AFG3L2: variants seen among roughly 807,000 people sequenced by gnomAD.
The protein encoded by AFG3L2 is AFG3 like matrix AAA peptidase subunit 2, also known as mitochondrial inner membrane m-AAA protease component AFG3L2.
Under a neutral mutation model 94.5 loss-of-function variants are expected in AFG3L2, and 54 were observed. The observed-to-expected ratio is 0.57, with a 90% confidence interval of 0.46 to 0.72. The LOEUF (loss-of-function observed/expected upper bound fraction) is 0.72, where lower values mean the gene tolerates loss of function less well. AFG3L2 is among the 30% of genes least tolerant of loss of function. The pLI, the probability that AFG3L2 is intolerant of heterozygous loss-of-function variation, is 0.00. For synonymous variants in AFG3L2, 377 were observed against 365.5 expected (o/e 1.03, Z -0.36); for missense variants, 754 against 994.9 (o/e 0.76, Z 3.26).
chr18:12,335,337 G>A (rs191047080), intron 16 of AFG3L2, among the ~76,000 whole-genome samples: 920 of 152,256 alleles, frequency 6.0e-3, no homozygotes, highest in Non-Finnish European at 8.6e-3. Flanking sequence ...AGATGCATGC[G>A]TAACTGACAT....
chr18:12,350,550 G>A (rs528461857), intron 12 of AFG3L2, among the ~76,000 whole-genome samples: 51 of 152,388 alleles, frequency 3.3e-4, no homozygotes, highest in African/African-American at 1.2e-3. Context: ...AGTAAGGTCA[G>A]ATGTGAATTA....
rs1455647243 is a variant in AFG3L2 at position 12,329,153 on chromosome 18, G to A, written c.*412C>T. ...TCCAATTTAATTTCACAGCCCATCT[G>A]CACAGGGGAACTGAGGAGAAACAGG... On this transcript the variant is annotated 3_prime_UTR_variant, in exon 17 of 17. Coordinates refer to ENST00000269143, the MANE Select transcript of AFG3L2 (RefSeq NM_006796.3). 1.4e-6 allele frequency: 1 copy of A among 702,872 alleles called. No homozygotes were observed. The highest frequency in any genetic ancestry group is 2.6e-6 in the Non-Finnish European group (1 of 385,018). 43.5% of individuals were successfully genotyped at this position (702,872 alleles called of 1,614,324 possible).
rs1387016377 is a variant in AFG3L2 at position 12,355,798 on chromosome 18, A to G, written c.1164+896T>C. On this transcript the variant is annotated intron_variant, in intron 9 of 16. Coordinates refer to ENST00000269143, the MANE Select transcript of AFG3L2 (RefSeq NM_006796.3). ...ATTCTCCTGCCTCAGCCTCCCAAGT[A>G]GCTGGGACTACAGGCGCCCGCCACC... Among the ~76,000 whole-genome samples, 3 of 151,692 alleles carry G rather than the reference A, an allele frequency of 2.0e-5. No individual in the cohort carries two copies. The East Asian group carries it at 5.8e-4, about 29-fold the overall frequency.
chr18:12,339,848 CAAAAAAAA>C (rs55881327), intron 15 of AFG3L2, among the ~76,000 whole-genome samples: 2 of 79,226 alleles, frequency 2.5e-5, no homozygotes, highest in Admixed American at 1.4e-4. Flanking sequence ...GGCTCAGTCT[CAAAAAAAA>C]AAAAAAAAAA....
chr18:12,366,876 G>A, intron 5 of AFG3L2, 89 bp downstream of exon 5: 1 of 1,544,698 alleles, frequency 6.5e-7, no homozygotes, highest in Non-Finnish European at 8.9e-7. Context: ...GGACGAGCCA[G>A]GTTAACCTGC....
intron 5 of AFG3L2, among the ~76,000 whole-genome samples, chr18:12,364,734 T>C (rs888576992): frequency 1.3e-5 from 2 of 152,154 alleles, no homozygotes; most frequent in East Asian, 1.9e-4. Context: ...GGTACAATCA[T>C]AGCTCACTGC....
In AFG3L2 at chr18:12,340,191, A is replaced by G. The variant is rs770217620; in HGVS notation, c.1980+10T>C. ...ACATGAGGAGGAAATGCACTCTTTC[A>G]TATACTCACTTGGGCATATGCACTC... On this transcript the variant is annotated intron_variant, in intron 15 of 16. Coordinates refer to ENST00000269143, the MANE Select transcript of AFG3L2 (RefSeq NM_006796.3). 1 of 1,609,030 alleles carries G rather than the reference A, an allele frequency of 6.2e-7. No individual in the cohort carries two copies. Among genetic ancestry groups the G allele is most frequent in the Non-Finnish European group, 8.5e-7 (1 of 1,175,642 alleles).
chr18:12,372,552 A>G (rs1224185879), intron 1 of AFG3L2, among the ~76,000 whole-genome samples: 1 of 152,206 alleles, frequency 6.6e-6, no homozygotes, highest in East Asian at 1.9e-4. Context: ...TACCCAAGGA[A>G]GCTGAAAACA....
chr18:12,337,614 G>T, intron 15 of AFG3L2, 79 bp from the exon 16 acceptor site: 2 of 1,394,286 alleles, frequency 1.4e-6, no homozygotes, highest in South Asian at 1.2e-5. Context: ...CCTGGAGCCG[G>T]CTAAAGTGCA....
chr18:12,339,325 G>A (rs1403091514), intron 15 of AFG3L2, among the ~76,000 whole-genome samples: 5 of 151,440 alleles, frequency 3.3e-5, no homozygotes, highest in Admixed American at 3.3e-4. Context: ...GGCCGAGGCG[G>A]GCGGATCACC....
Position 12,329,970 on chromosome 18 carries a change from C to G in AFG3L2, c.2176-187G>C, listed in dbSNP as rs1907465911. On this transcript the variant is annotated intron_variant, in intron 16 of 16. Coordinates refer to ENST00000269143, the MANE Select transcript of AFG3L2 (RefSeq NM_006796.3). ...AAATATCAAAGCAACCAATGTCCAT[C>G]TGTAAGGGATACATTTCCATACTAG... 6.5e-6 allele frequency: 4 copies of G among 616,604 alleles called. No individual in the cohort carries two copies. In the South Asian group the frequency reaches 7.9e-5, roughly 12 times the overall value. The allele number at this position is 616,604 out of a possible 1,614,324, so 38.2% of individuals were successfully genotyped here.
rs760520565 is a variant in AFG3L2 at position 12,329,692 on chromosome 18, T to C, written c.2267A>G (p.Tyr756Cys). 2 of 1,614,192 alleles carry C rather than the reference T, an allele frequency of 1.2e-6. No homozygotes were observed. The highest frequency in any genetic ancestry group is 1.1e-5 in the South Asian group (1 of 91,084). The part of the protein sequence containing the change: ...GPRPFAEKST[Y>C]EEFVEGTGSL... The stretch of plus-strand genomic sequence containing the variant: ...GCCAGTGCCTTCCACAAATTCTTCA[T>C]AGGTAGATTTTTCCGCAAATGGTCT... Residue 756 changes from tyrosine (Y) to cysteine (C), a missense_variant, in exon 17 of 17, where the codon TAT (tyrosine) becomes TGT (cysteine). This residue lies in a region of AFG3L2 where 279 missense variants were observed against 378.6 expected (regional missense o/e 0.74). Transcript: ENST00000269143.
chr18:12,332,938 A>AAT (rs1907588066), intron 16 of AFG3L2, among the ~76,000 whole-genome samples: 3 of 123,516 alleles, frequency 2.4e-5, no homozygotes, highest in South Asian at 4.6e-4. Context: ...TATACTATAT[A>AAT]ACATATAATA....
intron 1 of AFG3L2, among the ~76,000 whole-genome samples, chr18:12,375,555 C>T (rs1909128329): frequency 1.3e-5 from 2 of 150,814 alleles, no homozygotes; most frequent in South Asian, 4.2e-4. Flanking sequence ...ATGGTGAACC[C>T]TATCTTTTGG....
At chr18:12,331,012 T>C (rs1203791712) in intron 16 of AFG3L2, among the ~76,000 whole-genome samples, 1 of 152,196 alleles carries the variant, frequency 6.6e-6, no homozygotes, top group Admixed American at 6.5e-5. Context: ...CAAGCAGTCA[T>C]GCACCGCTAA....
At chr18:12,331,727 G>A (rs1456560105) in intron 16 of AFG3L2, among the ~76,000 whole-genome samples, 1 of 152,024 alleles carries the variant, frequency 6.6e-6, no homozygotes, top group Non-Finnish European at 1.5e-5. Context: ...CCAGGAGGCG[G>A]AGGTTGCAGT....
intron 8 of AFG3L2, among the ~76,000 whole-genome samples, chr18:12,358,046 T>A (rs1908548002): frequency 1.3e-5 from 2 of 152,224 alleles, no homozygotes; most frequent in Non-Finnish European, 2.9e-5. Flanking sequence ...AAGGATTCCT[T>A]TAAAGTAAAA....
chr18:12,350,667 C>T (rs984311453), intron 12 of AFG3L2, among the ~76,000 whole-genome samples: 8 of 152,144 alleles, frequency 5.3e-5, no homozygotes, highest in Non-Finnish European at 8.8e-5. Context: ...TAAAAATAGT[C>T]GGGCACAGTG....
chr18:12,365,868 A>C (rs1908788493), intron 5 of AFG3L2, among the ~76,000 whole-genome samples: 4 of 132,398 alleles, frequency 3.0e-5, no homozygotes, highest in African/African-American at 1.2e-4. Flanking sequence ...CACTGCATCA[A>C]TTCTTTTTTT....
Sources: gnomAD v4.1 joint callset for allele counts (sites outside exome capture counted in the v4.1 genomes callset) on GRCh38, gnomAD v4.1.1 for gene constraint, gnomAD v4.1.1 regional missense constraint, MANE v1.5 for transcripts, NCBI Gene and HGNC (gene_info 2026-07-23, HGNC 2026-07-21) for gene names.